Variants in AUTS2 observed in about 807,000 individuals in gnomAD.
AUTS2 encodes activator of transcription and developmental regulator AUTS2, also known as autism susceptibility gene 2 protein.
A neutral mutation model predicts 112.4 loss-of-function variants in AUTS2; 17 were observed. The ratio of observed to expected loss-of-function variants is 0.15; its 90% CI spans 0.10 to 0.23. The LOEUF (loss-of-function observed/expected upper bound fraction) is 0.23. AUTS2 is among the 10% of genes least tolerant of loss of function. The pLI is 1.00. For synonymous variants in AUTS2, 751 were observed against 702.7 expected (o/e 1.07, Z -1.09); for missense variants, 1,510 against 1,701.6 (o/e 0.89, Z 1.98).
chr7:69,731,029 C>T (rs1200114927), intron 1 of AUTS2, among the ~76,000 whole-genome samples: 2 of 152,208 alleles, frequency 1.3e-5, no homozygotes, highest in Non-Finnish European at 2.9e-5. Context: ...GGCATAGTTG[C>T]TCATGCCTGT....
chr7:70,520,204 T>C (rs1366374259), intron 5 of AUTS2, among the ~76,000 whole-genome samples: 3 of 152,278 alleles, frequency 2.0e-5, no homozygotes, highest in East Asian at 1.9e-4. Context: ...TATTATCAAG[T>C]CTTGTTCTCT....
At chr7:69,720,829 G>C (rs1255310593) in intron 1 of AUTS2, among the ~76,000 whole-genome samples, 2 of 152,144 alleles carry the variant, frequency 1.3e-5, no homozygotes, top group Non-Finnish European at 2.9e-5. Flanking sequence ...GGATCTCTTG[G>C]GAACTGCAGT....
chr7:70,367,632 T>G (rs182326651), intron 4 of AUTS2, among the ~76,000 whole-genome samples: 9 of 152,202 alleles, frequency 5.9e-5, no homozygotes, highest in Admixed American at 2.0e-4. Context: ...AACGTAGTTT[T>G]GGGAATGTTC....
At chr7:69,799,501 A>C (rs1366354890) in intron 1 of AUTS2, among the ~76,000 whole-genome samples, 1 of 152,146 alleles carries the variant, frequency 6.6e-6, no homozygotes, top group Admixed American at 6.5e-5. Context: ...TTAGACAGGC[A>C]GGGAAGTGTC....
chr7:70,469,572 G>A (rs904020739), intron 5 of AUTS2, among the ~76,000 whole-genome samples: 80 of 152,284 alleles, frequency 5.3e-4, no homozygotes, highest in African/African-American at 1.9e-3. Flanking sequence ...CTGAGGGAGA[G>A]GGAAGCCACT....
chr7:70,148,315 T>G (rs184757490), intron 4 of AUTS2, among the ~76,000 whole-genome samples: 24 of 152,238 alleles, frequency 1.6e-4, no homozygotes, highest in Admixed American at 6.5e-4. Context: ...TTGTTATGAG[T>G]TATAAATAGC....
intron 6 of AUTS2, among the ~76,000 whole-genome samples, chr7:70,760,028 C>T (rs1789458871): frequency 6.7e-6 from 1 of 149,302 alleles, no homozygotes; most frequent in Non-Finnish European, 1.5e-5. Context: ...TTTTTTGAGA[C>T]GGAGTCTCAC....
At chr7:70,188,068 C>G (rs1417682602) in intron 4 of AUTS2, among the ~76,000 whole-genome samples, 1 of 152,074 alleles carries the variant, frequency 6.6e-6, no homozygotes, top group Non-Finnish European at 1.5e-5. Context: ...ATAAACCTTG[C>G]TTTTACTTCC....
chr7:70,762,600 G>C (rs1789636406), intron 6 of AUTS2, among the ~76,000 whole-genome samples: 1 of 152,072 alleles, frequency 6.6e-6, no homozygotes, highest in South Asian at 2.1e-4. Context: ...GTCTCCTCTG[G>C]CCAGTTGGCC....
chr7:70,749,422 C>T (rs1265710481), intron 6 of AUTS2, among the ~76,000 whole-genome samples: 1 of 152,038 alleles, frequency 6.6e-6, no homozygotes, highest in African/African-American at 2.4e-5. Context: ...GTTGCTGGGC[C>T]GTGGACCACA....
chr7:70,672,442 G>A (rs781761943), intron 5 of AUTS2, among the ~76,000 whole-genome samples: 6 of 152,116 alleles, frequency 3.9e-5, no homozygotes, highest in African/African-American at 7.2e-5. Context: ...GAGACAGAAA[G>A]GGCCACTGTG....
intron 1 of AUTS2, among the ~76,000 whole-genome samples, chr7:69,846,936 G>A (rs1792229485): frequency 1.3e-5 from 2 of 152,142 alleles, no homozygotes; most frequent in Admixed American, 1.3e-4. Flanking sequence ...AAACAATATG[G>A]AGCAAGCTAA....
chr7:69,727,235 A>G (rs1298149395), intron 1 of AUTS2, among the ~76,000 whole-genome samples: 1 of 152,130 alleles, frequency 6.6e-6, no homozygotes, highest in African/African-American at 2.4e-5. Flanking sequence ...TAGTCGTTCC[A>G]GCACTATTTG....
chr7:70,011,499 G>A (rs1426528610), intron 2 of AUTS2, among the ~76,000 whole-genome samples: 1 of 152,128 alleles, frequency 6.6e-6, no homozygotes, highest in Non-Finnish European at 1.5e-5. Context: ...GTTTTCCCAT[G>A]AATAGATGAC....
intron 6 of AUTS2, among the ~76,000 whole-genome samples, chr7:70,738,868 T>C (rs1433949175): frequency 6.6e-6 from 1 of 152,156 alleles, no homozygotes; most frequent in Non-Finnish European, 1.5e-5. Context: ...CAAATGTCTT[T>C]TCCTCATTTT....
intron 2 of AUTS2, among the ~76,000 whole-genome samples, chr7:70,013,832 C>T (rs1242136358): frequency 1.3e-5 from 2 of 152,178 alleles, no homozygotes; most frequent in Non-Finnish European, 2.9e-5. Flanking sequence ...ATTCCCCTGC[C>T]TCAGCCTCCC....
At chr7:70,619,474 A>T (rs6948401) in intron 5 of AUTS2, among the ~76,000 whole-genome samples, 74,331 of 151,612 alleles carry the variant, frequency 0.49, 18,919 homozygotes, top group African/African-American at 0.56. Flanking sequence ...ACCCCAGGAG[A>T]GGAAGAGAGA....
chr7:69,645,988 CCTT>C (rs763489628), intron 1 of AUTS2, among the ~76,000 whole-genome samples: 139 of 142,822 alleles, frequency 9.7e-4, no homozygotes, highest in Non-Finnish European at 1.7e-3. Context: ...TTTTTTTTCT[CCTT>C]CTTCCCCTAC....
intron 6 of AUTS2, among the ~76,000 whole-genome samples, chr7:70,703,330 A>T (rs1335769250): frequency 6.6e-6 from 1 of 152,034 alleles, no homozygotes; most frequent in Non-Finnish European, 1.5e-5. Context: ...CCTCATCTCT[A>T]CTAAAATTCC....
Sources: allele counts gnomAD v4.1 joint callset (sites outside exome capture counted in the v4.1 genomes callset), GRCh38; gene constraint gnomAD v4.1.1; transcripts MANE v1.5; gene names NCBI Gene and HGNC (gene_info 2026-07-23, HGNC 2026-07-21).